SPICE1: variants seen among roughly 807,000 people sequenced by gnomAD.
SPICE1 encodes spindle and centriole associated protein 1.
In SPICE1, 75 loss-of-function variants were observed where a neutral mutation model predicts 102.7. The observed-to-expected ratio is 0.73, with a 90% CI of 0.61 to 0.88. The LOEUF (loss-of-function observed/expected upper bound fraction) is 0.88, where lower values mean the gene tolerates loss of function less well. Among genes scored for constraint, SPICE1 ranks in the 40% least tolerant of loss-of-function variants. The pLI is 0.00. For missense variants in SPICE1, 979 were observed against 1,020.1 expected (o/e 0.96, Z 0.55); for synonymous variants, 308 against 350.3 (o/e 0.88, Z 1.35).
chr3:113,486,660 T>C (rs931722149), intron 7 of SPICE1, among the ~76,000 whole-genome samples: 1 of 151,680 alleles, frequency 6.6e-6, no homozygotes. Context: ...TATCATTAAG[T>C]GGTAAAAGCA....
intron 14 of SPICE1, 59 bp from the exon 15 acceptor site, chr3:113,450,575 C>T (rs1935626387): frequency 1.4e-6 from 2 of 1,467,518 alleles, no homozygotes; most frequent in Non-Finnish European, 1.8e-6. Flanking sequence ...AAATCTCTCC[C>T]ACGATTTTTT....
At position 113,453,958 on chromosome 3, in the gene SPICE1, T is replaced by A. The variant is rs762280964; in HGVS notation, c.1658-8A>T. The A allele has an allele frequency of 1.9e-6, 3 of 1,575,170 alleles. No homozygotes were observed. The highest frequency in any genetic ancestry group is 1.2e-5 in the South Asian group (1 of 85,082). On this transcript the variant is annotated splice_polypyrimidine_tract_variant and splice_region_variant and intron_variant, in intron 13 of 17. Transcript: ENST00000295872. ...GAACAGTCCTTCTCAATACTATAGA[T>A]AAGAATTTAAAAATAACAAATATGT...
chr3:113,476,208 C>T (rs192531139), intron 7 of SPICE1, among the ~76,000 whole-genome samples: 8,933 of 150,324 alleles, frequency 0.059, 425 homozygotes, highest in African/African-American at 0.1. Flanking sequence ...AATAAAATAC[C>T]TAGGAATCCA....
In SPICE1 at chr3:113,443,990, CTG is replaced by C. The variant is rs368003060; in HGVS notation, c.*1315_*1316del. The C allele has an allele frequency of 9.2e-5, 14 of 152,248 alleles. No homozygotes were observed. The highest frequency in any genetic ancestry group is 3.4e-4 in the African/African-American group (14 of 41,538). 9.4% of individuals were successfully genotyped at this position (152,248 alleles called of 1,614,324 possible). On this transcript the variant is annotated 3_prime_UTR_variant, in exon 18 of 18. Transcript: ENST00000295872. ...CTCTGCCAACCTGTAATTTGGAAAA[CTG>C]TAAATTTCAGGTTGAGCAAGTTATT...
intron 14 of SPICE1, among the ~76,000 whole-genome samples, chr3:113,452,387 T>C (rs1935674714): frequency 6.6e-6 from 1 of 152,208 alleles, no homozygotes; most frequent in African/African-American, 2.4e-5. Flanking sequence ...AATAATCCTT[T>C]AAAACATTAT....
chr3:113,494,453 C>T (rs1936834133), intron 4 of SPICE1, among the ~76,000 whole-genome samples: 1 of 151,864 alleles, frequency 6.6e-6, no homozygotes, highest in Non-Finnish European at 1.5e-5. Context: ...CGAGACCATC[C>T]CGGCTAAAAC....
rs1184348818 is a variant in SPICE1, at chr3:113,443,857, T to C, written c.*1450A>G. On this transcript the variant is annotated 3_prime_UTR_variant, in exon 18 of 18. Transcript: ENST00000295872. ...CACATAAAGTGGCTACAATATTGCC[T>C]AGTATGTAGTTAACAGTTAATTATT... 1 of 152,210 alleles carries C rather than the reference T, an allele frequency of 6.6e-6. No individual in the cohort carries two copies. The highest frequency in any genetic ancestry group is 1.5e-5 in the Non-Finnish European group (1 of 68,038). 9.4% of individuals were successfully genotyped at this position (152,210 alleles called of 1,614,324 possible).
intron 7 of SPICE1, among the ~76,000 whole-genome samples, chr3:113,486,156 C>CAT (rs61506451): frequency 0.2 from 29,014 of 141,938 alleles, 3,078 homozygotes; most frequent in African/African-American, 0.27. Flanking sequence ...CCTAAATGAC[C>CAT]ATATATATAT....
intron 4 of SPICE1, among the ~76,000 whole-genome samples, chr3:113,498,206 C>A (rs1182667255): frequency 1.3e-5 from 2 of 152,106 alleles, no homozygotes; most frequent in Admixed American, 6.5e-5. Flanking sequence ...AGCTTCTTGA[C>A]CCTGACTGAT....
At chr3:113,496,247 ACTT>A (rs1192979465) in intron 4 of SPICE1, among the ~76,000 whole-genome samples, 4 of 152,120 alleles carry the variant, frequency 2.6e-5, no homozygotes, top group Admixed American at 2.0e-4. Flanking sequence ...ATTGGCTTTT[ACTT>A]CTTCTTTCTA....
Position 113,460,667 on chromosome 3 carries a change from A to G in SPICE1, c.1385T>C (p.Ile462Thr). Reference sequence around the variant, plus strand: ...TGTGGCTCCGCTTTCTGATGCCTGAATTTCTTGTCTGTTATTTATCACAGG... The same window carrying G: ...TGTGGCTCCGCTTTCTGATGCCTGAGTTTCTTGTCTGTTATTTATCACAGG... Reference protein sequence around the residue: ...NCPVINNRQEIQASESGATGR... With the variant: ...NCPVINNRQETQASESGATGR... The change falls in exon 12 of 18, where the codon ATT (isoleucine) becomes ACT (threonine). Residue 462 changes from isoleucine (I) to threonine (T), a missense_variant. Physicochemically the swap from Ile to Thr is moderately conservative, Grantham distance 89. Transcript: ENST00000295872. 1 of 1,613,880 alleles carries G rather than the reference A, an allele frequency of 6.2e-7. No individual in the cohort carries two copies. The highest frequency in any genetic ancestry group is 1.1e-5 in the South Asian group (1 of 91,040).
intron 7 of SPICE1, among the ~76,000 whole-genome samples, chr3:113,484,818 T>C (rs972343096): frequency 1.3e-5 from 2 of 152,136 alleles, no homozygotes; most frequent in African/African-American, 4.8e-5. Flanking sequence ...TACGATGAGG[T>C]ACTGAGAAGA....
At chr3:113,512,856 G>C (rs1937247668) in intron 1 of SPICE1, among the ~76,000 whole-genome samples, 1 of 152,034 alleles carries the variant, frequency 6.6e-6, no homozygotes, top group Non-Finnish European at 1.5e-5. Flanking sequence ...ATAATTATTT[G>C]GGGGAGTGCA....
At chr3:113,490,858 C>T (rs1228800706) in intron 6 of SPICE1, among the ~76,000 whole-genome samples, 18 of 152,198 alleles carry the variant, frequency 1.2e-4, no homozygotes, top group Non-Finnish European at 2.9e-5. Flanking sequence ...AACTCTACCT[C>T]ATTTTAACCA....
At position 113,458,501 on chromosome 3, in the gene SPICE1, C is replaced by T. The variant is rs374345056; in HGVS notation, c.1436-1144G>A. On this transcript the variant is annotated intron_variant, in intron 12 of 17. Transcript: ENST00000295872. The stretch of plus-strand genomic sequence containing the variant: ...GGTGCCGGGATTGCAGACGGAGTCT[C>T]GCTCACTCAGTGCTCAATGTTGCCC... Among the ~76,000 whole-genome samples, 89 of 152,022 alleles carry T rather than the reference C, an allele frequency of 5.9e-4. 1 individual carries two copies. The South Asian group carries it at 0.017, about 29-fold the overall frequency.
chr3:113,460,782 T>C lies in SPICE1; in HGVS notation c.1288-18A>G, dbSNP rs567865364. Reference sequence around the variant, plus strand: ...AGTCTTGCCTGGGGAGGAAAACATATGAAATAATATTATTAGCATATCAAA... The same window carrying C: ...AGTCTTGCCTGGGGAGGAAAACATACGAAATAATATTATTAGCATATCAAA... On this transcript the variant is annotated intron_variant, in intron 11 of 17. Transcript: ENST00000295872. 4 of 1,570,378 alleles carry C rather than the reference T, an allele frequency of 2.5e-6. No homozygotes were observed. The highest frequency in any genetic ancestry group is 2.3e-5 in the East Asian group (1 of 44,392).
At chr3:113,465,883 C>T in intron 10 of SPICE1, 99 bp from the exon 11 acceptor site, 1 of 1,159,358 alleles carries the variant, frequency 8.6e-7, no homozygotes, top group Non-Finnish European at 1.2e-6. Context: ...TACAAAGAAG[C>T]ATATATTATG....
At chr3:113,504,571 C>CAA (rs71633321) in intron 2 of SPICE1, among the ~76,000 whole-genome samples, 136 of 66,876 alleles carry the variant, frequency 2.0e-3, no homozygotes, top group African/African-American at 2.5e-3. Flanking sequence ...GACCTTGTCT[C>CAA]AAAAAAAAAA....
chr3:113,499,418 T>C, intron 4 of SPICE1, 21 bp downstream of exon 4: 2 of 1,602,924 alleles, frequency 1.2e-6, no homozygotes, highest in Admixed American at 1.7e-5. Flanking sequence ...TCTTTCTAAC[T>C]CTAATGCAGT....
Sources: allele counts gnomAD v4.1 joint callset (sites outside exome capture counted in the v4.1 genomes callset), GRCh38; gene constraint gnomAD v4.1.1; transcripts MANE v1.5; gene names NCBI Gene and HGNC (gene_info 2026-07-23, HGNC 2026-07-21).